The following DAB1 variants were observed in gnomAD, a reference collection of about 807,000 sequenced individuals.
The protein encoded by DAB1 is DAB adaptor protein 1.
DAB1 carries 15 observed loss-of-function variants against 64.6 expected under a neutral mutation model. The ratio of observed to expected loss-of-function variants is 0.23; its 90% CI spans 0.16 to 0.36. The LOEUF (loss-of-function observed/expected upper bound fraction) is 0.36, where lower values mean the gene tolerates loss of function less well. Ranked by LOEUF, DAB1 falls within the 10% of genes least tolerant of loss-of-function variation. The pLI is 1.00. For synonymous variants in DAB1, 235 were observed against 251.9 expected, an observed-to-expected ratio of 0.93 and a Z score of 0.64; for missense variants, 596 against 706.7, an observed-to-expected ratio of 0.84 and a Z score of 1.78.
At chr1:57,519,399 T>A (rs373764928) in intron 7 of DAB1, among the ~76,000 whole-genome samples, 1 of 152,218 alleles carries the variant, frequency 6.6e-6, no homozygotes, top group East Asian at 1.9e-4. Flanking sequence ...CTGCTGCTGC[T>A]ATGTGGAGTC....
chr1:57,568,129 A>G (rs911473535), intron 7 of DAB1, among the ~76,000 whole-genome samples: 5 of 152,318 alleles, frequency 3.3e-5, no homozygotes, highest in Admixed American at 6.5e-5. Context: ...CCACACATCT[A>G]CAACTATCTG....
At chr1:57,592,969 C>T (rs1645462877) in intron 7 of DAB1, among the ~76,000 whole-genome samples, 1 of 152,264 alleles carries the variant, frequency 6.6e-6, no homozygotes, top group East Asian at 1.9e-4. Flanking sequence ...AGGGTTGGGG[C>T]TTCAATACAT....
intron 9 of DAB1, among the ~76,000 whole-genome samples, chr1:57,050,224 G>A (rs952863117): frequency 1.3e-5 from 2 of 152,114 alleles, no homozygotes; most frequent in Non-Finnish European, 1.5e-5. Flanking sequence ...ACTCTATCCT[G>A]AATGGATACA....
chr1:57,157,569 A>G (rs1454670700), intron 2 of DAB1, among the ~76,000 whole-genome samples: 2 of 122,946 alleles, frequency 1.6e-5, no homozygotes, highest in Non-Finnish European at 3.6e-5. Flanking sequence ...ATGCACTGAG[A>G]AAGAGAGAGA....
At chr1:57,084,747 C>G (rs927660192) in intron 4 of DAB1, among the ~76,000 whole-genome samples, 3 of 152,134 alleles carry the variant, frequency 2.0e-5, no homozygotes, top group African/African-American at 7.2e-5. Flanking sequence ...CTGTTACTGA[C>G]AGAACTTGCT....
At chr1:58,346,140 G>A (rs908142288) in intron 3 of DAB1, among the ~76,000 whole-genome samples, 7 of 152,176 alleles carry the variant, frequency 4.6e-5, no homozygotes, top group Non-Finnish European at 8.8e-5. Context: ...TGATAGATAC[G>A]GCAGTCCGGC....
chr1:57,723,782 T>C (rs1557443903), intron 6 of DAB1, among the ~76,000 whole-genome samples: 3 of 152,224 alleles, frequency 2.0e-5, no homozygotes, highest in South Asian at 4.1e-4. Context: ...TTGTTTCTAC[T>C]GCTCTCAGGG....
At chr1:57,714,227 AT>A (rs1271242266) in intron 6 of DAB1, among the ~76,000 whole-genome samples, 1 of 152,176 alleles carries the variant, frequency 6.6e-6, no homozygotes, top group Non-Finnish European at 1.5e-5. Context: ...AAGTATAATT[AT>A]TTTTACCCAT....
At chr1:58,494,969 C>T (rs1308929712) in intron 3 of DAB1, among the ~76,000 whole-genome samples, 6 of 152,116 alleles carry the variant, frequency 3.9e-5, no homozygotes, top group South Asian at 2.1e-4. Flanking sequence ...CACATGCACA[C>T]GTATGTTTAT....
At chr1:58,359,189 G>T (rs1644140473) in intron 3 of DAB1, among the ~76,000 whole-genome samples, 1 of 152,042 alleles carries the variant, frequency 6.6e-6, no homozygotes, top group African/African-American at 2.4e-5. Context: ...CATGATCCTA[G>T]GCAAGCCTTC....
At chr1:58,119,319 A>C (rs1052888802) in intron 5 of DAB1, among the ~76,000 whole-genome samples, 3 of 152,062 alleles carry the variant, frequency 2.0e-5, no homozygotes, top group Non-Finnish European at 2.9e-5. Context: ...GCACAAACTG[A>C]CATGAACTGA....
At chr1:58,152,220 AC>A (rs1232456914) in intron 4 of DAB1, among the ~76,000 whole-genome samples, 2 of 151,824 alleles carry the variant, frequency 1.3e-5, no homozygotes, top group African/African-American at 4.8e-5. Context: ...GACATACTAT[AC>A]CCCCCATTCT....
intron 4 of DAB1, among the ~76,000 whole-genome samples, chr1:58,315,698 T>C (rs1363541465): frequency 1.3e-5 from 2 of 152,250 alleles, no homozygotes; most frequent in Non-Finnish European, 2.9e-5. Context: ...CCTTTATTTG[T>C]CACAATGATA....
At chr1:57,096,995 C>G (rs979437166) in intron 4 of DAB1, among the ~76,000 whole-genome samples, 31 of 152,228 alleles carry the variant, frequency 2.0e-4, no homozygotes, top group African/African-American at 7.2e-4. Flanking sequence ...TCTGTTTCTC[C>G]AGCTAGGTTA....
intron 1 of DAB1, among the ~76,000 whole-genome samples, chr1:58,541,913 A>T (rs1309719231): frequency 6.6e-6 from 1 of 152,190 alleles, no homozygotes; most frequent in Non-Finnish European, 1.5e-5. Context: ...GTGTTCCTTA[A>T]ATTTTTCTGC....
At chr1:57,675,081 C>G (rs1646550402) in intron 6 of DAB1, among the ~76,000 whole-genome samples, 1 of 152,286 alleles carries the variant, frequency 6.6e-6, no homozygotes, top group East Asian at 1.9e-4. Flanking sequence ...ATTACAATTT[C>G]TATGAAGCAG....
chr1:57,505,750 A>C (rs1052014519), intron 7 of DAB1, among the ~76,000 whole-genome samples: 16 of 152,150 alleles, frequency 1.1e-4, no homozygotes, highest in Admixed American at 5.2e-4. Context: ...GGCTCACTGC[A>C]GCCTCAGCCT....
chr1:57,385,024 T>C (rs532924619), intron 1 of DAB1, among the ~76,000 whole-genome samples: 1 of 152,254 alleles, frequency 6.6e-6, no homozygotes, highest in East Asian at 1.9e-4. Context: ...GAAGAAGCAA[T>C]AGGTTATACA....
intron 2 of DAB1, among the ~76,000 whole-genome samples, chr1:57,148,268 A>G (rs1293213021): frequency 6.6e-6 from 1 of 152,202 alleles, no homozygotes; most frequent in African/African-American, 2.4e-5. Flanking sequence ...GCAGGTGAAC[A>G]AGGGCAGAGA....
Sources: gnomAD v4.1 joint callset for allele counts (sites outside exome capture counted in the v4.1 genomes callset) on GRCh38, gnomAD v4.1.1 for gene constraint, MANE v1.5 for transcripts, NCBI Gene and HGNC (gene_info 2026-07-23, HGNC 2026-07-21) for gene names.